Variants in DENND1A observed in about 807,000 individuals in gnomAD.
DENND1A encodes the protein DENN domain containing 1A.
In DENND1A, 51 loss-of-function variants were observed where a neutral mutation model predicts 113.7. That is an observed-to-expected ratio of 0.45 (90% confidence interval 0.36 to 0.57). The LOEUF (loss-of-function observed/expected upper bound fraction) is 0.57. Ranked by LOEUF, DENND1A falls within the 20% of genes least tolerant of loss-of-function variation. The probability of loss-of-function intolerance (pLI) is 0.00; values close to 1 mark genes in which losing one functional copy is unlikely to be tolerated. For synonymous variants in DENND1A, 565 were observed against 570.8 expected (o/e 0.99, Z 0.14); for missense variants, 1,258 against 1,395.9 (o/e 0.90, Z 1.57).
rs186487032 is a variant in DENND1A at position 123,512,446 on chromosome 9, G to A, written c.993+45124C>T. Among the ~76,000 whole-genome samples, 109 of 152,306 alleles carry A rather than the reference G, an allele frequency of 7.2e-4. 2 individuals are homozygous for A. Among genetic ancestry groups the A allele is most frequent in the Non-Finnish European group, 2.8e-4 (19 of 68,022 alleles). ...CGAGGCCTCTATAGATGCAGGTCTC[G>A]GGCAAGAACAGCATCCTGGGACTTG... is the stretch of plus-strand genomic sequence containing the variant. On this transcript the variant is annotated intron_variant, in intron 13 of 23. Transcript: ENST00000394215.
intron 13 of DENND1A, among the ~76,000 whole-genome samples, chr9:123,529,954 C>T (rs1040379456): frequency 2.6e-4 from 39 of 152,144 alleles, no homozygotes; most frequent in African/African-American, 9.4e-4. Flanking sequence ...TTCTTGTTTG[C>T]TTGTTTTTAA....
At chr9:123,478,465 A>G (rs1168995898) in intron 13 of DENND1A, among the ~76,000 whole-genome samples, 1 of 152,170 alleles carries the variant, frequency 6.6e-6, no homozygotes, top group African/African-American at 2.4e-5. Flanking sequence ...TCATTTTGGG[A>G]AGACTGAATT....
At chr9:123,787,864 T>C (rs1437846726) in intron 3 of DENND1A, among the ~76,000 whole-genome samples, 1 of 152,196 alleles carries the variant, frequency 6.6e-6, no homozygotes, top group Non-Finnish European at 1.5e-5. Flanking sequence ...AGTTTCTATA[T>C]AAAGATTTCC....
chr9:123,478,942 A>T (rs181797043), intron 13 of DENND1A, among the ~76,000 whole-genome samples: 97 of 152,356 alleles, frequency 6.4e-4, no homozygotes, highest in African/African-American at 2.3e-3. Context: ...GAGGTATTAA[A>T]AGTGAGTGAT....
chr9:123,721,539 T>A (rs1232626550), intron 5 of DENND1A, among the ~76,000 whole-genome samples: 1 of 152,214 alleles, frequency 6.6e-6, no homozygotes, highest in Non-Finnish European at 1.5e-5. Flanking sequence ...TTTGGCTGTG[T>A]CCCCACCCAA....
At chr9:123,681,750 TTTAG>T (rs2064475425) in intron 5 of DENND1A, among the ~76,000 whole-genome samples, 1 of 152,068 alleles carries the variant, frequency 6.6e-6, no homozygotes, top group Non-Finnish European at 1.5e-5. Context: ...CTTCCCTAGT[TTTAG>T]TCACTGAGAA....
At chr9:123,903,736 C>A (rs368031111) in intron 1 of DENND1A, among the ~76,000 whole-genome samples, 1 of 152,226 alleles carries the variant, frequency 6.6e-6, no homozygotes, top group Admixed American at 6.5e-5. Context: ...CACGGTGTCT[C>A]GCTGATTGCT....
chr9:123,586,598 G>T (rs901674148), intron 11 of DENND1A, among the ~76,000 whole-genome samples: 5 of 152,174 alleles, frequency 3.3e-5, no homozygotes, highest in African/African-American at 7.2e-5. Flanking sequence ...CCTCCTGGTG[G>T]CAAGGCCTCT....
intron 1 of DENND1A, among the ~76,000 whole-genome samples, chr9:123,907,430 T>C: frequency 6.6e-6 from 1 of 151,762 alleles, no homozygotes; most frequent in South Asian, 2.1e-4. Flanking sequence ...ATGACATGAT[T>C]GTATATCTAG....
At chr9:123,435,482 A>C (rs2046449841) in intron 19 of DENND1A, among the ~76,000 whole-genome samples, 1 of 152,196 alleles carries the variant, frequency 6.6e-6, no homozygotes, top group Admixed American at 6.5e-5. Context: ...CCAGCTTTTC[A>C]AACTTTACAT....
At chr9:123,720,343 T>C (rs1331028586) in intron 5 of DENND1A, among the ~76,000 whole-genome samples, 1 of 152,032 alleles carries the variant, frequency 6.6e-6, no homozygotes, top group African/African-American at 2.4e-5. Flanking sequence ...TCTTATTCTT[T>C]AATGGAGGAG....
chr9:123,479,299 T>G (rs374548159), intron 13 of DENND1A, among the ~76,000 whole-genome samples: 1 of 152,188 alleles, frequency 6.6e-6, no homozygotes, highest in Non-Finnish European at 1.5e-5. Flanking sequence ...TTGCTCTTGA[T>G]GAGAGGAGCT....
At chr9:123,452,812 T>C (rs2047833209) in intron 16 of DENND1A, among the ~76,000 whole-genome samples, 1 of 152,140 alleles carries the variant, frequency 6.6e-6, no homozygotes, top group African/African-American at 2.4e-5. Flanking sequence ...CGTTGGGAAA[T>C]ACATTGCCCT....
At chr9:123,659,975 T>A (rs2063147542) in intron 8 of DENND1A, among the ~76,000 whole-genome samples, 1 of 152,228 alleles carries the variant, frequency 6.6e-6, no homozygotes, top group Admixed American at 6.5e-5. Context: ...GAGGAAAGGC[T>A]TTCCTGCTTC....
At chr9:123,472,086 C>T (rs1291242897) in intron 13 of DENND1A, among the ~76,000 whole-genome samples, 3 of 152,154 alleles carry the variant, frequency 2.0e-5, no homozygotes, top group African/African-American at 4.8e-5. Flanking sequence ...TCAAGCTGCC[C>T]GTACTTTGGA....
intron 12 of DENND1A, among the ~76,000 whole-genome samples, chr9:123,570,865 C>T (rs181941561): frequency 6.6e-6 from 1 of 152,206 alleles, no homozygotes; most frequent in African/African-American, 2.4e-5. Flanking sequence ...GGGTTCTGGG[C>T]CTTTAAAGAA....
rs575952833 is a variant in DENND1A at position 123,721,688 on chromosome 9, T to C, written c.302+36015A>G. Among the ~76,000 whole-genome samples, 12 of 152,326 alleles carry C rather than the reference T, an allele frequency of 7.9e-5. No individual in the cohort carries two copies. In the South Asian group the frequency reaches 2.5e-3, roughly 32 times the overall value. On this transcript the variant is annotated intron_variant, in intron 5 of 23. Transcript: ENST00000394215. ...TCAGTCTCATGAGATCTAATGGCTA[T>C]AAAAATGGGAGTTTCCCTGTACCAG...
At chr9:123,919,943 C>T (rs917417347) in intron 1 of DENND1A, among the ~76,000 whole-genome samples, 10 of 149,380 alleles carry the variant, frequency 6.7e-5, no homozygotes, top group Middle Eastern at 3.6e-3. Context: ...TCAAAATAAT[C>T]CAGGACTAGA....
intron 5 of DENND1A, among the ~76,000 whole-genome samples, chr9:123,754,098 C>T (rs1485638592): frequency 6.6e-6 from 1 of 152,214 alleles, no homozygotes; most frequent in East Asian, 1.9e-4. Flanking sequence ...TATGAGCAGA[C>T]TTGAGCCACA....
Sources: allele counts gnomAD v4.1 joint callset (sites outside exome capture counted in the v4.1 genomes callset), GRCh38; gene constraint gnomAD v4.1.1; transcripts MANE v1.5; gene names NCBI Gene and HGNC (gene_info 2026-07-23, HGNC 2026-07-21).